The following OPRM1 variants were observed in gnomAD, a reference collection of about 807,000 sequenced individuals.
The protein encoded by OPRM1 is opioid receptor mu 1, also known as mu-type opioid receptor.
A neutral mutation model predicts 31.8 loss-of-function variants in OPRM1; 27 were observed. The observed-to-expected ratio is 0.85, with a 90% CI of 0.63 to 1.17. The LOEUF (loss-of-function observed/expected upper bound fraction) is 1.17, where lower values mean the gene tolerates loss of function less well. Ranked by LOEUF, OPRM1 falls within the 50% of genes most tolerant of loss-of-function variation. The probability of loss-of-function intolerance (pLI) is 0.00; values close to 1 mark genes in which losing one functional copy is unlikely to be tolerated. For missense variants in OPRM1, 536 were observed against 511.1 expected, an observed-to-expected ratio of 1.05 and a Z score of -0.47; for synonymous variants, 196 against 189.9, an observed-to-expected ratio of 1.03 and a Z score of -0.26.
At chr6:154,026,652 TG>T (rs1251470089) in intron 1 of OPRM1, among the ~76,000 whole-genome samples, 1 of 152,142 alleles carries the variant, frequency 6.6e-6, no homozygotes, top group African/African-American at 2.4e-5. Flanking sequence ...TTTATTCTTT[TG>T]TCTCCACTGA....
intron 3 of OPRM1, among the ~76,000 whole-genome samples, chr6:154,166,185 G>A (rs1157161456): frequency 2.0e-5 from 3 of 152,228 alleles, no homozygotes; most frequent in African/African-American, 7.2e-5. Flanking sequence ...CTGGATAACC[G>A]ATACACTGAC....
intron 3 of OPRM1, among the ~76,000 whole-genome samples, chr6:154,189,389 G>A (rs929640141): frequency 1.2e-4 from 18 of 152,122 alleles, no homozygotes; most frequent in South Asian, 1.0e-3. Context: ...GTGTATACCC[G>A]TAGAGAAATG....
At chr6:154,214,505 T>C (rs1490692173) in intron 3 of OPRM1, among the ~76,000 whole-genome samples, 1 of 152,242 alleles carries the variant, frequency 6.6e-6, no homozygotes, top group Non-Finnish European at 1.5e-5. Flanking sequence ...CATTACTCAG[T>C]TGGTTCATGA....
At position 154,055,523 on chromosome 6, in the gene OPRM1, C is replaced by G. The variant is rs536511762; in HGVS notation, c.290+15689C>G. On this transcript the variant is annotated intron_variant, in intron 1 of 3. Transcript: ENST00000330432. ...CACTCACTCAGGGCTTTTGCCTTTC[C>G]CTAGGTCAGATATATTATCCATTAT... is the stretch of plus-strand genomic sequence containing the variant. Among the ~76,000 whole-genome samples the G allele has an allele frequency of 3.5e-4, 53 of 152,262 alleles. 1 individual carries two copies. The South Asian group carries it at 0.01, about 30-fold the overall frequency.
Position 154,123,863 on chromosome 6 carries a change from T to A in OPRM1, c.*5142T>A, listed in dbSNP as rs927260178. Among the ~76,000 whole-genome samples, 1 of 152,146 alleles carries A rather than the reference T, an allele frequency of 6.6e-6. No individual in the cohort carries two copies. Among genetic ancestry groups the A allele is most frequent in the Non-Finnish European group, 1.5e-5 (1 of 68,004 alleles). ...ACTTTCATTGCCATCTTGGTTTTAG[T>A]GGGGTTTGGCCGGCTTCTTTACCAC... On this transcript the variant is annotated 3_prime_UTR_variant, in exon 4 of 4. Transcript: ENST00000330432.
intron 1 of OPRM1, among the ~76,000 whole-genome samples, chr6:154,017,459 A>G (rs1202017227): frequency 6.6e-6 from 1 of 152,164 alleles, no homozygotes; most frequent in Non-Finnish European, 1.5e-5. Flanking sequence ...ATCAGGGCAG[A>G]CTGTCCTGGC....
intron 1 of OPRM1, among the ~76,000 whole-genome samples, chr6:154,084,912 A>C (rs1456210835): frequency 7.7e-6 from 1 of 129,910 alleles, no homozygotes; most frequent in African/African-American, 3.1e-5. Flanking sequence ...CATGATGTGG[A>C]ATTAAACACA....
chr6:154,152,433 A>G (rs1396740712), intron 3 of OPRM1, among the ~76,000 whole-genome samples: 2 of 152,060 alleles, frequency 1.3e-5, no homozygotes, highest in African/African-American at 4.8e-5. Flanking sequence ...GTCAGGACCA[A>G]TGAAATTCTG....
At chr6:154,241,613 T>G (rs1313253859) in intron 3 of OPRM1, among the ~76,000 whole-genome samples, 1 of 152,150 alleles carries the variant, frequency 6.6e-6, no homozygotes, top group Non-Finnish European at 1.5e-5. Flanking sequence ...TCACCCCTTT[T>G]TATTTGCGTA....
chr6:154,164,890 T>G (rs1034584643), intron 3 of OPRM1, among the ~76,000 whole-genome samples: 1 of 152,340 alleles, frequency 6.6e-6, no homozygotes, highest in Admixed American at 6.5e-5. Flanking sequence ...CATAATACGA[T>G]CAACTTTTGC....
At chr6:154,222,012 T>C (rs904505546) in intron 3 of OPRM1, among the ~76,000 whole-genome samples, 3 of 152,250 alleles carry the variant, frequency 2.0e-5, no homozygotes, top group African/African-American at 7.2e-5. Context: ...TCAGAACAAC[T>C]ACTTCAAGCA....
chr6:154,163,758 T>A (rs1799209756), intron 3 of OPRM1, among the ~76,000 whole-genome samples: 1 of 152,168 alleles, frequency 6.6e-6, no homozygotes, highest in Non-Finnish European at 1.5e-5. Flanking sequence ...TGAACCCTAT[T>A]TGGAGTCTGA....
At chr6:154,074,190 C>A (rs1040561677) in intron 1 of OPRM1, 1 of 152,100 alleles carries the variant, frequency 6.6e-6, no homozygotes, top group Admixed American at 6.6e-5. Flanking sequence ...GTCTCCAGGG[C>A]AAATTACTTA....
In OPRM1 at chr6:154,013,841, G is replaced by A. The variant is rs1031336658; in HGVS notation, c.-1+2823G>A. On this transcript the variant is annotated intron_variant, in intron 1 of 5. Transcript: ENST00000434900. ...GGCTTTGGAAGGAGTGGGAAGACAT[G>A]TGGAAAGAGCCAAGGCTTCTTGAGA... Among the ~76,000 whole-genome samples, 24 of 152,238 alleles carry A rather than the reference G, an allele frequency of 1.6e-4. 1 individual carries two copies. The highest frequency in any genetic ancestry group is 1.2e-3 in the Admixed American group (19 of 15,292).
chr6:154,163,078 G>A (rs1036689379), intron 3 of OPRM1, among the ~76,000 whole-genome samples: 5 of 152,142 alleles, frequency 3.3e-5, no homozygotes, highest in African/African-American at 1.2e-4. Context: ...TCTACCTTCA[G>A]ACATGACACA....
chr6:154,169,862 A>G (rs572620479), intron 3 of OPRM1, among the ~76,000 whole-genome samples: 2 of 152,302 alleles, frequency 1.3e-5, no homozygotes, highest in East Asian at 3.9e-4. Context: ...CAGTTCCAAG[A>G]CTTTGGAGTA....
chr6:154,161,042 T>C (rs1372328723), intron 3 of OPRM1, among the ~76,000 whole-genome samples: 1 of 152,194 alleles, frequency 6.6e-6, no homozygotes, highest in Non-Finnish European at 1.5e-5. Context: ...CCCAGTCTAA[T>C]GTACTGGCAT....
Position 154,168,022 on chromosome 6 carries a change from A to C in OPRM1, c.1164+76550A>C, listed in dbSNP as rs750506735. Reference sequence around the variant, plus strand: ...ATTTTCTCAACTCCTTTTTAGTCGAAGGTCGTCGGTCCCCAAGAGGAGATA... The same window carrying C: ...ATTTTCTCAACTCCTTTTTAGTCGACGGTCGTCGGTCCCCAAGAGGAGATA... On this transcript the variant is annotated intron_variant, in intron 3 of 3. Transcript: ENST00000337049. This position sits in a 1 kb window ranked among gnomAD's most constrained non-coding sequence, Gnocchi z 4.1. 80 of 1,611,788 alleles carry C rather than the reference A, an allele frequency of 5.0e-5. No homozygotes were observed. Among genetic ancestry groups the C allele is most frequent in the Non-Finnish European group, 6.6e-5 (78 of 1,178,252 alleles).
chr6:154,160,130 A>G (rs751167729), intron 3 of OPRM1: 8 of 966,286 alleles, frequency 8.3e-6, no homozygotes, highest in Non-Finnish European at 1.1e-5. Context: ...ACAAGTACAC[A>G]TATACATAAA....
Sources: gnomAD v4.1 joint callset for allele counts (sites outside exome capture counted in the v4.1 genomes callset) on GRCh38, gnomAD v4.1.1 for gene constraint, Gnocchi (gnomAD v3.1) non-coding constraint, MANE v1.5 for transcripts, NCBI Gene and HGNC (gene_info 2026-07-23, HGNC 2026-07-21) for gene names.